SLC25A51: variants seen among roughly 807,000 people sequenced by gnomAD.
SLC25A51 encodes the protein mitochondrial nicotinamide adenine dinucleotide transporter SLC25A51.
A neutral mutation model predicts 19.1 loss-of-function variants in SLC25A51; 11 were observed. That is an observed-to-expected ratio of 0.58 (90% CI 0.36 to 0.96). The LOEUF is 0.96. Ranked by LOEUF, SLC25A51 falls within the 40% of genes least tolerant of loss-of-function variation. The pLI, the probability that SLC25A51 is intolerant of heterozygous loss-of-function variation, is 0.01. For missense variants in SLC25A51, 201 were observed against 365.4 expected (o/e 0.55, Z 3.67); for synonymous variants, 105 against 133.6 (o/e 0.79, Z 1.47).
rs141127395 is a variant in SLC25A51, at chr9:37,888,515, T to G, written c.36A>C (p.Pro12=). The G allele has an allele frequency of 6.2e-7, 1 of 1,611,464 alleles. No individual in the cohort carries two copies. The highest frequency in any genetic ancestry group is 8.5e-7 in the Non-Finnish European group (1 of 1,178,708). ...MDSEAHEKRP[P]ILTSSKQDIS... ...TATCTTGTTTTGAAGATGTTAGTAT[T>G]GGTGGCCTCTTTTCATGAGCTTCTG... The change falls in exon 3 of 3, where the codon CCA becomes CCC. Residue 12 remains proline (P), a synonymous_variant. Transcript: ENST00000242275.
downstream of SLC25A51, among the ~76,000 whole-genome samples, chr9:37,884,522 C>T (rs1395666182): frequency 2.6e-5 from 4 of 152,110 alleles, no homozygotes; most frequent in African/African-American, 9.7e-5. Context: ...CTATCCTGAG[C>T]CTTTTTTCCC....
chr9:37,886,129 A>G (rs1289792099), downstream of SLC25A51: 4 of 1,437,102 alleles, frequency 2.8e-6, no homozygotes, highest in African/African-American at 4.2e-5. Flanking sequence ...AAGTGAGCAC[A>G]TCACCCCTCA....
intron 1 of SLC25A51, among the ~76,000 whole-genome samples, chr9:37,900,383 A>G (rs1466763618): frequency 1.3e-5 from 2 of 151,370 alleles, no homozygotes. Flanking sequence ...CGGGAGGCAG[A>G]GGTTGCAGTA....
chr9:37,902,738 T>C (rs1032339279), intron 1 of SLC25A51, among the ~76,000 whole-genome samples: 2 of 152,274 alleles, frequency 1.3e-5, no homozygotes, highest in African/African-American at 2.4e-5. Context: ...GAGCAGTTAA[T>C]GAACTTGATT....
chr9:37,885,902 CCT>C (rs1831445576), downstream of SLC25A51: 8 of 1,601,736 alleles, frequency 5.0e-6, no homozygotes, highest in Non-Finnish European at 6.0e-6. Flanking sequence ...ATATATGGGC[CCT>C]GAGTATATCA....
chr9:37,885,333 A>G (rs1255996267), downstream of SLC25A51, among the ~76,000 whole-genome samples: 7 of 118,578 alleles, frequency 5.9e-5, no homozygotes, highest in African/African-American at 2.4e-4. Flanking sequence ...TAAAGCTCTT[A>G]GGTAATGATA....
At chr9:37,878,189 A>G (rs16934551), downstream of SLC25A51, 26,244 of 169,496 alleles carry the variant, frequency 0.15, 2,174 homozygotes, top group African/African-American at 0.19. Flanking sequence ...TGCTTGTTAG[A>G]TAGGCCAGGA....
intron 1 of SLC25A51, among the ~76,000 whole-genome samples, chr9:37,902,425 A>G (rs1033854891): frequency 6.6e-6 from 1 of 152,196 alleles, no homozygotes; most frequent in East Asian, 1.9e-4. Context: ...GGGGGAAAAA[A>G]TGTTATGAAA....
chr9:37,892,475 A>C (rs1385068978), intron 2 of SLC25A51, among the ~76,000 whole-genome samples: 1 of 152,222 alleles, frequency 6.6e-6, no homozygotes, highest in African/African-American at 2.4e-5. Context: ...GAGGACAGAG[A>C]AGCCGGTTAG....
downstream of SLC25A51, chr9:37,885,569 T>G: frequency 1.5e-6 from 1 of 655,260 alleles, no homozygotes. Flanking sequence ...TTTTGTATTT[T>G]TAGTAGAGAT....
At chr9:37,881,240 C>A (rs888531035) in intron 3 of SLC25A51, among the ~76,000 whole-genome samples, 2 of 151,518 alleles carry the variant, frequency 1.3e-5, no homozygotes. Context: ...ACATCCAGAC[C>A]ATGTAACTTG....
exon 4 of SLC25A51, chr9:37,880,235 C>A (rs1223599565): frequency 6.7e-6 from 1 of 149,742 alleles, no homozygotes; most frequent in Non-Finnish European, 1.5e-5. Flanking sequence ...GTCGCCTGAA[C>A]ACAGGAGGCA....
chr9:37,882,947 G>A (rs1009388702), downstream of SLC25A51, among the ~76,000 whole-genome samples: 23 of 152,116 alleles, frequency 1.5e-4, no homozygotes, highest in Non-Finnish European at 2.5e-4. Context: ...AGGTTCAAGC[G>A]ATTCTCCTGC....
intron 2 of SLC25A51, among the ~76,000 whole-genome samples, chr9:37,889,640 A>G (rs1458059689): frequency 6.6e-6 from 1 of 151,438 alleles, no homozygotes; most frequent in Non-Finnish European, 1.5e-5. Flanking sequence ...AGCATTCTGA[A>G]ATGAAGTCTG....
intron 1 of SLC25A51, among the ~76,000 whole-genome samples, chr9:37,901,797 G>GTATTGAGTTTGA (rs1831854259): frequency 1.3e-5 from 2 of 152,116 alleles, no homozygotes; most frequent in Admixed American, 1.3e-4. Context: ...GTCTGTTAGG[G>GTATTGAGTTTGA]TATTGAGTTT....
At chr9:37,890,675 G>A (rs1312901721) in intron 2 of SLC25A51, among the ~76,000 whole-genome samples, 4 of 151,370 alleles carry the variant, frequency 2.6e-5, no homozygotes, top group African/African-American at 9.7e-5. Flanking sequence ...CAGCCTGGGT[G>A]ACAGAGTAAT....
At chr9:37,900,791 C>T (rs1047141951) in intron 1 of SLC25A51, among the ~76,000 whole-genome samples, 2 of 152,142 alleles carry the variant, frequency 1.3e-5, no homozygotes, top group African/African-American at 4.8e-5. Flanking sequence ...ATCAGTTTAT[C>T]TAATTTATAA....
intron 3 of SLC25A51, among the ~76,000 whole-genome samples, chr9:37,881,293 AC>A (rs1333669717): frequency 1.3e-5 from 2 of 152,234 alleles, no homozygotes; most frequent in African/African-American, 4.8e-5. Context: ...AACAGAAAGT[AC>A]TGATAAGCTA....
intron 2 of SLC25A51, among the ~76,000 whole-genome samples, chr9:37,890,755 T>C (rs563579740): frequency 5.4e-4 from 82 of 151,406 alleles, no homozygotes; most frequent in African/African-American, 1.9e-3. Flanking sequence ...ACCAAAACAA[T>C]TGAAAGCGCA....
Sources: allele counts gnomAD v4.1 joint callset (sites outside exome capture counted in the v4.1 genomes callset), GRCh38; gene constraint gnomAD v4.1.1; transcripts MANE v1.5; gene names NCBI Gene and HGNC (gene_info 2026-07-23, HGNC 2026-07-21).